Variants in KIAA0825 observed in about 807,000 individuals in gnomAD.
KIAA0825 encodes the protein KIAA0825, also known as uncharacterized protein KIAA0825.
KIAA0825 carries 119 observed loss-of-function variants against 147.6 expected under a neutral mutation model. The observed-to-expected ratio is 0.81, with a 90% confidence interval of 0.69 to 0.94. KIAA0825 has a LOEUF of 0.94. Ranked by LOEUF, KIAA0825 falls within the 40% of genes least tolerant of loss-of-function variation. The pLI is 0.00. For missense variants in KIAA0825, 1,381 were observed against 1,472.7 expected (o/e 0.94, Z 1.02); for synonymous variants, 470 against 518.1 (o/e 0.91, Z 1.26).
chr5:94,444,193 G>A (rs1757452726), intron 13 of KIAA0825, among the ~76,000 whole-genome samples: 1 of 152,110 alleles, frequency 6.6e-6, no homozygotes, highest in Non-Finnish European at 1.5e-5. Flanking sequence ...AGGAGCAGAG[G>A]TTCTGGTTTC....
intron 8 of KIAA0825, 139 bp from the exon 9 acceptor site, chr5:94,471,870 T>G: frequency 1.3e-6 from 1 of 753,736 alleles, no homozygotes; most frequent in Non-Finnish European, 2.1e-6. Flanking sequence ...AATAATCGAT[T>G]TCTCAGTTGT....
chr5:94,435,884 AT>A (rs529284524), intron 14 of KIAA0825, among the ~76,000 whole-genome samples: 3 of 149,778 alleles, frequency 2.0e-5, no homozygotes, highest in East Asian at 3.9e-4. Context: ...GATGTTCAGC[AT>A]TTTTTTTTCA....
At chr5:94,511,076 A>G (rs1297522867) in intron 5 of KIAA0825, among the ~76,000 whole-genome samples, 1 of 152,126 alleles carries the variant, frequency 6.6e-6, no homozygotes, top group African/African-American at 2.4e-5. Flanking sequence ...CTTAAAAAAG[A>G]GACCACAGAG....
intron 3 of KIAA0825, among the ~76,000 whole-genome samples, chr5:94,531,765 G>A (rs562927539): frequency 1.3e-5 from 2 of 152,244 alleles, no homozygotes; most frequent in East Asian, 3.9e-4. Flanking sequence ...AAACTGAAGT[G>A]CAAACACAAG....
At chr5:94,431,553 A>T (rs904889966) in intron 14 of KIAA0825, among the ~76,000 whole-genome samples, 1 of 152,210 alleles carries the variant, frequency 6.6e-6, no homozygotes, top group Non-Finnish European at 1.5e-5. Context: ...GTACAGTGGG[A>T]CCTCACCCAG....
chr5:94,447,657 A>AAC (rs1227156233), intron 13 of KIAA0825, among the ~76,000 whole-genome samples: 1 of 152,192 alleles, frequency 6.6e-6, no homozygotes, highest in Non-Finnish European at 1.5e-5. Context: ...GGAATGATTA[A>AAC]ACACATCTTG....
chr5:94,586,779 T>G (rs1040237979), intron 1 of KIAA0825, among the ~76,000 whole-genome samples: 2 of 152,172 alleles, frequency 1.3e-5, no homozygotes, highest in African/African-American at 4.8e-5. Flanking sequence ...TGAACATCAA[T>G]GCAAAAATCC....
chr5:94,313,634 T>C (rs1393046979), intron 20 of KIAA0825, among the ~76,000 whole-genome samples: 6 of 150,616 alleles, frequency 4.0e-5, no homozygotes, highest in Admixed American at 2.7e-4. Flanking sequence ...TTTTTTTGTA[T>C]CTTGGCTCTG....
chr5:94,474,951 T>C (rs573956990), intron 7 of KIAA0825, among the ~76,000 whole-genome samples: 6 of 151,960 alleles, frequency 3.9e-5, no homozygotes, highest in Non-Finnish European at 8.8e-5. Flanking sequence ...TAGCCGGGCG[T>C]GGTGGCACGT....
chr5:94,371,575 T>C (rs1746715811), intron 20 of KIAA0825, among the ~76,000 whole-genome samples: 1 of 152,078 alleles, frequency 6.6e-6, no homozygotes, highest in Admixed American at 6.5e-5. Flanking sequence ...TATTAAACCA[T>C]CAGATATCAT....
chr5:94,170,497 G>T (rs966427640), intron 20 of KIAA0825, among the ~76,000 whole-genome samples: 1 of 152,068 alleles, frequency 6.6e-6, no homozygotes, highest in African/African-American at 2.4e-5. Flanking sequence ...CTTACTCCTG[G>T]GGGAACTAAC....
At chr5:94,423,755 G>C (rs1028172628) in intron 14 of KIAA0825, among the ~76,000 whole-genome samples, 1 of 152,094 alleles carries the variant, frequency 6.6e-6, no homozygotes, top group Non-Finnish European at 1.5e-5. Flanking sequence ...GGGTATTAGA[G>C]AGAAAGTATA....
At chr5:94,547,077 G>C (rs149625388) in intron 2 of KIAA0825, among the ~76,000 whole-genome samples, 77 of 151,970 alleles carry the variant, frequency 5.1e-4, no homozygotes, top group African/African-American at 7.5e-4. Context: ...ATACTGAAGA[G>C]AGCATTGGAG....
intron 20 of KIAA0825, among the ~76,000 whole-genome samples, chr5:94,272,850 C>A (rs1474965670): frequency 6.6e-6 from 1 of 152,154 alleles, no homozygotes; most frequent in African/African-American, 2.4e-5. Context: ...GGATGGAATA[C>A]ACTGATTGGC....
intron 20 of KIAA0825, among the ~76,000 whole-genome samples, chr5:94,242,696 G>T (rs549445787): frequency 6.6e-6 from 1 of 151,624 alleles, no homozygotes; most frequent in East Asian, 1.9e-4. Context: ...TGCCATCTCG[G>T]CTCACTGCAA....
chr5:94,602,823 G>A (rs768396964), intron 1 of KIAA0825, among the ~76,000 whole-genome samples: 1 of 150,726 alleles, frequency 6.6e-6, no homozygotes, highest in Non-Finnish European at 1.5e-5. Context: ...GCCCAATCTC[G>A]GGTATGCCTT....
chr5:94,369,121 A>G (rs1431894812), intron 20 of KIAA0825, among the ~76,000 whole-genome samples: 1 of 152,096 alleles, frequency 6.6e-6, no homozygotes, highest in East Asian at 1.9e-4. Flanking sequence ...TTGAAGCACT[A>G]CACTCCAGCC....
intron 2 of KIAA0825, among the ~76,000 whole-genome samples, chr5:94,544,736 CA>C (rs1773994823): frequency 6.6e-6 from 1 of 152,058 alleles, no homozygotes; most frequent in African/African-American, 2.4e-5. Flanking sequence ...GGCAAATATG[CA>C]AAAAATTATG....
intron 2 of KIAA0825, among the ~76,000 whole-genome samples, chr5:94,554,733 TATATATATATATA>T (rs1776221297): frequency 7.9e-6 from 1 of 127,224 alleles, no homozygotes; most frequent in Non-Finnish European, 1.7e-5. Context: ...TATATATATA[TATATATATATATA>T]TATATATATA....
Sources: gnomAD v4.1 joint callset for allele counts (sites outside exome capture counted in the v4.1 genomes callset) on GRCh38, gnomAD v4.1.1 for gene constraint, MANE v1.5 for transcripts, NCBI Gene and HGNC (gene_info 2026-07-23, HGNC 2026-07-21) for gene names.